RPS5: variants seen among roughly 807,000 people sequenced by gnomAD.
The protein encoded by RPS5 is ribosomal protein S5, also known as small ribosomal subunit protein uS7.
Under a neutral mutation model 20.9 loss-of-function variants are expected in RPS5, and 2 were observed. That is an observed-to-expected ratio of 0.10 (90% CI 0.04 to 0.30). The LOEUF (loss-of-function observed/expected upper bound fraction) is 0.30. Ranked by LOEUF, RPS5 falls within the 10% of genes least tolerant of loss-of-function variation. The pLI is 1.00. For synonymous variants in RPS5, 112 were observed against 105.8 expected (o/e 1.06, Z -0.36); for missense variants, 122 against 287.2 (o/e 0.42, Z 4.16).
At position 58,394,481 on chromosome 19, in the gene RPS5, C is replaced by T; in HGVS notation, c.448-16C>T. On this transcript the variant is annotated splice_polypyrimidine_tract_variant and intron_variant, in intron 4 of 5. Transcript: ENST00000196551. Reference sequence around the variant, plus strand: ...CGCAGTCTGTCCTTCTAGCCTGACCCCTGCTGTCTTCCTAGGCCATCTGGC... The same window carrying T: ...CGCAGTCTGTCCTTCTAGCCTGACCTCTGCTGTCTTCCTAGGCCATCTGGC... The T allele has an allele frequency of 6.2e-7, 1 of 1,611,994 alleles. No individual in the cohort carries two copies. The highest frequency in any genetic ancestry group is 8.5e-7 in the Non-Finnish European group (1 of 1,178,522).
chr19:58,388,401 T>C, intron 2 of RPS5, 156 bp downstream of exon 2: 1 of 621,832 alleles, frequency 1.6e-6, no homozygotes, highest in South Asian at 1.9e-5. Context: ...ACATCTGCTC[T>C]TACGTCCTGT....
At chr19:58,390,678 T>C (rs2052357541) in intron 2 of RPS5, among the ~76,000 whole-genome samples, 1 of 152,094 alleles carries the variant, frequency 6.6e-6, no homozygotes, top group Admixed American at 6.6e-5. Flanking sequence ...CTATTAAACG[T>C]TTGTTAAGTG....
At chr19:58,389,039 A>G (rs755769168) in intron 2 of RPS5, among the ~76,000 whole-genome samples, 10 of 152,152 alleles carry the variant, frequency 6.6e-5, no homozygotes, top group Non-Finnish European at 1.0e-4. Flanking sequence ...GCAATTGGGA[A>G]GTGTGAGTTG....
Position 58,392,325 on chromosome 19 carries a change from G to GGA in RPS5, c.109-650_109-649insAG. Among the ~76,000 whole-genome samples, 2 of 149,360 alleles carry GGA rather than the reference G, an allele frequency of 1.3e-5. 1 individual carries two copies. Among genetic ancestry groups the GGA allele is most frequent in the Non-Finnish European group, 3.0e-5 (2 of 67,314 alleles). The stretch of plus-strand genomic sequence containing the variant: ...GGTGACAGCAAGACTCAGCCTCAAG[G>GGA]GGGGGAAAAAAAAAACTAGGCCAGG... On this transcript the variant is annotated intron_variant, in intron 2 of 5. Transcript: ENST00000196551.
chr19:58,393,476 C>T lies in RPS5; in HGVS notation c.436C>T (p.Arg146Cys), dbSNP rs1194400197. Reference protein sequence around the residue: ...RQAVDVSPLRRVNQAIWLLCT... With the variant: ...RQAVDVSPLRCVNQAIWLLCT... ...GGCTGTGGATGTGTCCCCCCTGCGC[C>T]GTGTGAACCAGGTGAGCCTGGGGCT... The change falls in exon 4 of 6, where the codon CGT becomes TGT. Residue 146 changes from arginine (R) to cysteine (C), a missense_variant. By Grantham distance (180) the Arg-to-Cys change is radical. Transcript: ENST00000196551. 9.9e-6 allele frequency: 16 copies of T among 1,611,422 alleles called. No individual in the cohort carries two copies. The highest frequency in any genetic ancestry group is 1.2e-5 in the Non-Finnish European group (14 of 1,179,822).
chr19:58,392,711 G>A (rs1268227217), intron 2 of RPS5, among the ~76,000 whole-genome samples: 3 of 151,286 alleles, frequency 2.0e-5, no homozygotes, highest in Admixed American at 1.3e-4. Flanking sequence ...ACAATTATCT[G>A]GTCCAAAATC....
chr19:58,387,299 G>C lies in RPS5; in HGVS notation c.-42G>C, dbSNP rs1488839360. The C allele has an allele frequency of 2.0e-5, 3 of 152,296 alleles. No homozygotes were observed. Among genetic ancestry groups the C allele is most frequent in the Non-Finnish European group, 2.9e-5 (2 of 68,074 alleles). The allele number at this position is 152,296 out of a possible 1,614,324, so 9.4% of individuals were successfully genotyped here. On this transcript the variant is annotated 5_prime_UTR_variant, in exon 1 of 6. Coordinates refer to ENST00000196551, the MANE Select transcript of RPS5 (RefSeq NM_001009.4). ...CCTGTCTGTACCAGGGCGGCGCGTG[G>C]TCTACGCCGAGTGACAGAGACGCTC...
At chr19:58,394,381 CTT>C in intron 4 of RPS5, 114 bp from the exon 5 acceptor site, 1 of 785,956 alleles carries the variant, frequency 1.3e-6, no homozygotes, top group South Asian at 1.6e-5. Context: ...GCCACCACCT[CTT>C]GTCTCAGTGG....
chr19:58,392,132 C>T lies in RPS5; in HGVS notation c.109-844C>T, dbSNP rs116313015. 2.5e-3 allele frequency among the ~76,000 whole-genome samples: 388 copies of T among 152,168 alleles called. 1 individual carries two copies. Among genetic ancestry groups the T allele is most frequent in the African/African-American group, 8.7e-3 (361 of 41,504 alleles). ...AGGTCAAGAGTTCGAGACCAGCCTGCTCAAAACAGTGAAACCCCTTTTCTA... is the reference window on the plus strand; with the variant it reads ...AGGTCAAGAGTTCGAGACCAGCCTGTTCAAAACAGTGAAACCCCTTTTCTA... On this transcript the variant is annotated intron_variant, in intron 2 of 5. Coordinates refer to ENST00000196551, the MANE Select transcript of RPS5 (RefSeq NM_001009.4).
intron 1 of RPS5, 113 bp downstream of exon 1, chr19:58,387,452 A>G (rs2052332825): frequency 6.6e-6 from 1 of 152,280 alleles, no homozygotes; most frequent in Non-Finnish European, 1.5e-5. Context: ...CTGGAAAAGA[A>G]AATGTAGAAG....
chr19:58,388,989 C>T (rs7250896), intron 2 of RPS5, among the ~76,000 whole-genome samples: 15,415 of 152,106 alleles, frequency 0.1, 2,653 homozygotes, highest in African/African-American at 0.35. Flanking sequence ...ATGTCTGTCT[C>T]TATGCCAGTA....
At chr19:58,392,856 G>A in intron 2 of RPS5, 120 bp from the exon 3 acceptor site, 1 of 877,478 alleles carries the variant, frequency 1.1e-6, no homozygotes, top group Non-Finnish European at 1.8e-6. Context: ...AGGCATACCA[G>A]GATCCCAGAC....
Position 58,394,784 on chromosome 19 carries a change from C to G in RPS5, c.*34C>G. 2 of 1,609,374 alleles carry G rather than the reference C, an allele frequency of 1.2e-6. No homozygotes were observed. Among genetic ancestry groups the G allele is most frequent in the Non-Finnish European group, 1.7e-6 (2 of 1,175,918 alleles). The stretch of plus-strand genomic sequence containing the variant: ...GCTGCTGCCCAATAAACCTGTCTGC[C>G]CTTTGGGGCAGTCCCAGCCACCTGT... On this transcript the variant is annotated 3_prime_UTR_variant, in exon 6 of 6. Transcript: ENST00000196551.
rs1292658251 is a variant in RPS5, at chr19:58,393,193, T to C, written c.318+8T>C. On this transcript the variant is annotated splice_region_variant and intron_variant, in intron 3 of 5. Transcript: ENST00000196551. Reference sequence around the variant, plus strand: ...CACCTGCTCACAGGCGAGGTAGGGCTCTGTGGCCTGGTGAGGGCAGGCTGT... The same window carrying C: ...CACCTGCTCACAGGCGAGGTAGGGCCCTGTGGCCTGGTGAGGGCAGGCTGT... 1.2e-6 allele frequency: 2 copies of C among 1,614,176 alleles called. No homozygotes were observed. The highest frequency in any genetic ancestry group is 1.7e-6 in the Non-Finnish European group (2 of 1,180,014).
At position 58,393,109 on chromosome 19, in the gene RPS5, G is replaced by T. The variant is rs778315513; in HGVS notation, c.242G>T (p.Arg81Leu). 6.2e-7 allele frequency: 1 copy of T among 1,614,110 alleles called. No homozygotes were observed. The highest frequency in any genetic ancestry group is 1.3e-5 in the African/African-American group (1 of 74,932). Residue 81 changes from arginine (R) to leucine (L), a missense_variant, in exon 3 of 6, where the codon CGC becomes CTC. By Grantham distance (102) the Arg-to-Leu change is moderately radical. Coordinates refer to ENST00000196551, the MANE Select transcript of RPS5 (RefSeq NM_001009.4). ...RLTNSMMMHGRNNGKKLMTVR... is the reference protein window; with the variant it reads ...RLTNSMMMHGLNNGKKLMTVR... ...ACTAACTCCATGATGATGCACGGCC[G>T]CAACAACGGCAAGAAGCTCATGACT... is the stretch of plus-strand genomic sequence containing the variant.
At chr19:58,392,339 A>C (rs1423411182) in intron 2 of RPS5, among the ~76,000 whole-genome samples, 1 of 150,356 alleles carries the variant, frequency 6.7e-6, no homozygotes, top group Non-Finnish European at 1.5e-5. Context: ...GGAAAAAAAA[A>C]ACTAGGCCAG....
At chr19:58,389,109 A>G (rs2052347574) in intron 2 of RPS5, among the ~76,000 whole-genome samples, 1 of 152,124 alleles carries the variant, frequency 6.6e-6, no homozygotes, top group Non-Finnish European at 1.5e-5. Context: ...CCTCCCCATG[A>G]AGGCATCATT....
chr19:58,389,717 A>G (rs902016987), intron 2 of RPS5, among the ~76,000 whole-genome samples: 37 of 151,428 alleles, frequency 2.4e-4, no homozygotes, highest in African/African-American at 7.1e-4. Context: ...GCTCACCACA[A>G]CCTCCGCCTC....
At chr19:58,392,933 T>G (rs781001606) in intron 2 of RPS5, 43 bp from the exon 3 acceptor site, 4 of 1,594,310 alleles carry the variant, frequency 2.5e-6, no homozygotes, top group Non-Finnish European at 3.4e-6. Flanking sequence ...CCCATGCTGC[T>G]CCTGACCATT....
Sources: gnomAD v4.1 joint callset for allele counts (sites outside exome capture counted in the v4.1 genomes callset) on GRCh38, gnomAD v4.1.1 for gene constraint, MANE v1.5 for transcripts, NCBI Gene and HGNC (gene_info 2026-07-23, HGNC 2026-07-21) for gene names.